Variants in ADGRF5 observed in about 807,000 individuals in gnomAD.
ADGRF5 encodes the protein G-protein coupled receptor 116.
A neutral mutation model predicts 132.3 loss-of-function variants in ADGRF5; 75 were observed. The observed-to-expected ratio is 0.57, with a 90% CI of 0.47 to 0.69. ADGRF5 has a LOEUF of 0.69. Among genes scored for constraint, ADGRF5 ranks in the 30% least tolerant of loss-of-function variants. The pLI is 0.00. For missense variants in ADGRF5, 1,516 were observed against 1,630.6 expected, an observed-to-expected ratio of 0.93 and a Z score of 1.21; for synonymous variants, 629 against 597.6, an observed-to-expected ratio of 1.05 and a Z score of -0.77.
At chr6:46,892,014 C>T (rs1773693224) in intron 3 of ADGRF5, among the ~76,000 whole-genome samples, 3 of 152,108 alleles carry the variant, frequency 2.0e-5, no homozygotes, top group African/African-American at 7.2e-5. Flanking sequence ...AATGCCTTCT[C>T]CTTGAAAATA....
chr6:46,952,140 A>C (rs1778523408), intron 1 of ADGRF5, among the ~76,000 whole-genome samples: 1 of 152,206 alleles, frequency 6.6e-6, no homozygotes, highest in African/African-American at 2.4e-5. Flanking sequence ...TTGCAGGTAC[A>C]GGACCAAATG....
At position 46,853,773 on chromosome 6, in the gene ADGRF5, G is replaced by C. The variant is rs1768729446; in HGVS notation, c.*219C>G. The C allele has an allele frequency of 2.4e-6, 1 of 411,064 alleles. No individual in the cohort carries two copies. Among genetic ancestry groups the C allele is most frequent in the Non-Finnish European group, 4.3e-6 (1 of 230,080 alleles). 25.5% of individuals were successfully genotyped at this position (411,064 alleles called of 1,614,324 possible). On this transcript the variant is annotated 3_prime_UTR_variant, in exon 21 of 21. Coordinates refer to ENST00000283296, the MANE Select transcript of ADGRF5 (RefSeq NM_001098518.2). The stretch of plus-strand genomic sequence containing the variant: ...TTCACTTAAATACTATACACATGTG[G>C]TATCACACAAGGGGGAGGGGGAGGG...
chr6:46,950,490 T>A (rs919714361), intron 1 of ADGRF5, among the ~76,000 whole-genome samples: 3 of 152,168 alleles, frequency 2.0e-5, no homozygotes, highest in African/African-American at 7.2e-5. Flanking sequence ...CCTCCTCTTT[T>A]AAGACCTGGT....
intron 11 of ADGRF5, chr6:46,869,410 C>T (rs1330199807): frequency 2.0e-6 from 2 of 985,050 alleles, no homozygotes; most frequent in East Asian, 1.1e-4. Flanking sequence ...AGGGGTGTCG[C>T]CTTATCCCAC....
In ADGRF5 at chr6:46,953,651, GTATATATATATATATATATATATATATA is replaced by G. The variant is rs61302381; in HGVS notation, c.-25+1055_-25+1082del. Among the ~76,000 whole-genome samples the G allele has an allele frequency of 3.3e-4, 14 of 42,196 alleles. 1 individual carries two copies. Among genetic ancestry groups the G allele is most frequent in the Non-Finnish European group, 4.8e-4 (10 of 20,952 alleles). The allele number at this position is 42,196 out of a possible 152,430, so 27.7% of individuals were successfully genotyped here. A position where few individuals can be genotyped will look rare whatever the true frequency, so the allele number is the denominator to read the frequency against. Reference sequence around the variant, plus strand: ...AAATTATATATATATAGATATATGTGTATATATATATATATATATATATATATATATATATATATCTCACTGACAGTGG... The same window carrying G: ...AAATTATATATATATAGATATATGTGTATATATATATCTCACTGACAGTGG... On this transcript the variant is annotated intron_variant, in intron 1 of 20. Transcript: ENST00000265417.
chr6:46,944,129 A>G (rs917928742), intron 1 of ADGRF5, among the ~76,000 whole-genome samples: 1 of 152,220 alleles, frequency 6.6e-6, no homozygotes, highest in East Asian at 1.9e-4. Context: ...GACTGGTTTC[A>G]TGGAAGACAA....
intron 12 of ADGRF5, 91 bp downstream of exon 12, chr6:46,868,792 G>A (rs965248539): frequency 1.2e-4 from 92 of 771,302 alleles, no homozygotes; most frequent in Non-Finnish European, 1.7e-4. Flanking sequence ...GCATAGGCAT[G>A]TCTCAAAGAA....
In ADGRF5 at chr6:46,859,380, G is replaced by A. The variant is rs1254053389; in HGVS notation, c.2523C>T (p.Ser841=). 2 of 1,613,558 alleles carry A rather than the reference G, an allele frequency of 1.2e-6. No individual in the cohort carries two copies. The highest frequency in any genetic ancestry group is 8.5e-7 in the Non-Finnish European group (1 of 1,179,652). Residue 841 remains serine, a synonymous_variant, in exon 17 of 21, where the codon AGC becomes AGT. Transcript: ENST00000283296. ...RFSQALQSGD[S]PPLSFSQTNV... ...TAGTTTGGGAGAAGGACAAAGGAGGGCTATCTCCCGACTGTAATGCTTGGG... is the reference window on the plus strand; with the variant it reads ...TAGTTTGGGAGAAGGACAAAGGAGGACTATCTCCCGACTGTAATGCTTGGG...
intron 14 of ADGRF5, 56 bp downstream of exon 14, chr6:46,864,986 A>G: frequency 8.2e-7 from 1 of 1,214,652 alleles, no homozygotes. Context: ...GAGTGAATAA[A>G]TAAATAAGTC....
Position 46,871,993 on chromosome 6 carries a change from C to A in ADGRF5, c.1261G>T (p.Asp421Tyr). ...AGGGTGTATCTGCTGCAGCTAGAAT[C>A]TATGTCTGTCTCAGGGGTTCCTATA... Reference protein sequence around the residue: ...NIPGTPETDIDSSCSRYTLKA... With the variant: ...NIPGTPETDIYSSCSRYTLKA... Residue 421 changes from aspartate (D) to tyrosine (Y), a missense_variant, in exon 11 of 21, where the codon GAT becomes TAT. Asp to Tyr is a radical substitution (Grantham distance 160). Transcript: ENST00000283296. 3 of 1,607,394 alleles carry A rather than the reference C, an allele frequency of 1.9e-6. No individual in the cohort carries two copies. The highest frequency in any genetic ancestry group is 2.6e-6 in the Non-Finnish European group (3 of 1,175,180).
chr6:46,932,780 G>C (rs1777618191), intron 1 of ADGRF5, among the ~76,000 whole-genome samples: 1 of 152,046 alleles, frequency 6.6e-6, no homozygotes, highest in Admixed American at 6.6e-5. Flanking sequence ...ATTGCTCCTG[G>C]GCTCCTGTTT....
chr6:46,913,592 A>G (rs1776166740), intron 1 of ADGRF5, among the ~76,000 whole-genome samples: 1 of 152,148 alleles, frequency 6.6e-6, no homozygotes, highest in East Asian at 1.9e-4. Flanking sequence ...TGCTCATTGG[A>G]CTTGGAGACA....
At chr6:46,934,596 G>A (rs1339055303) in intron 1 of ADGRF5, among the ~76,000 whole-genome samples, 1 of 152,106 alleles carries the variant, frequency 6.6e-6, no homozygotes, top group East Asian at 1.9e-4. Context: ...TGACAGAATT[G>A]AAGCTACATA....
At chr6:46,890,268 C>G (rs934546556) in intron 3 of ADGRF5, among the ~76,000 whole-genome samples, 2 of 151,778 alleles carry the variant, frequency 1.3e-5, no homozygotes, top group Admixed American at 1.3e-4. Flanking sequence ...AATTTCTGTA[C>G]TTTTTGTACA....
intron 7 of ADGRF5, among the ~76,000 whole-genome samples, chr6:46,881,832 C>A (rs967989223): frequency 6.6e-6 from 1 of 152,178 alleles, no homozygotes; most frequent in African/African-American, 2.4e-5. Context: ...TCTTTGCTTG[C>A]AAAATTTTTT....
At chr6:46,864,287 C>A (rs1742485563) in intron 14 of ADGRF5, among the ~76,000 whole-genome samples, 2 of 152,154 alleles carry the variant, frequency 1.3e-5, no homozygotes, top group Admixed American at 1.3e-4. Flanking sequence ...TATGTGATGG[C>A]AAATTGACTC....
In ADGRF5 at chr6:46,865,176, T is replaced by A. The variant is rs770723307; in HGVS notation, c.1856A>T (p.Gln619Leu). Residue 619 changes from glutamine (Q) to leucine (L), a missense_variant, in exon 14 of 21, where the codon CAA (glutamine) becomes CTA (leucine). Coordinates refer to ENST00000283296, the MANE Select transcript of ADGRF5 (RefSeq NM_001098518.2). The stretch of plus-strand genomic sequence containing the variant: ...ATTGAAATTGTGTTTGTAGCACACT[T>A]GTTTTTTGTTAACTTCTTTTGCTGA... ...LPAAKEVNKK[Q>L]VCYKHNFNAS... 6.2e-7 allele frequency: 1 copy of A among 1,611,422 alleles called. No homozygotes were observed. Among genetic ancestry groups the A allele is most frequent in the Admixed American group, 1.7e-5 (1 of 59,612 alleles).
At position 46,879,940 on chromosome 6, in the gene ADGRF5, C is replaced by A. The variant is rs139730967; in HGVS notation, c.914G>T (p.Arg305Leu). The change falls in exon 9 of 21, where the codon CGC (arginine) becomes CTC (leucine). Residue 305 changes from arginine (R) to leucine (L), a missense_variant. Arg to Leu is a moderately radical substitution (Grantham distance 102). Transcript: ENST00000283296. ...GATTTCCAACTGCTGTTCTTCATAG[C>A]GCCAAGACACATTGGAGGACAAAAC... ...KEVLSSNVSW[R>L]YEEQQLEIQN... 1 of 1,613,902 alleles carries A rather than the reference C, an allele frequency of 6.2e-7. No individual in the cohort carries two copies. Among genetic ancestry groups the A allele is most frequent in the Non-Finnish European group, 8.5e-7 (1 of 1,179,780 alleles).
At chr6:46,913,999 C>T (rs560405887) in intron 1 of ADGRF5, among the ~76,000 whole-genome samples, 20 of 152,266 alleles carry the variant, frequency 1.3e-4, no homozygotes, top group Middle Eastern at 6.8e-3. Flanking sequence ...TACGATCAGG[C>T]AGCCCTTTTG....
Sources: allele counts gnomAD v4.1 joint callset (sites outside exome capture counted in the v4.1 genomes callset), GRCh38; gene constraint gnomAD v4.1.1; transcripts MANE v1.5; gene names NCBI Gene and HGNC (gene_info 2026-07-23, HGNC 2026-07-21).